PTCHD4: variants seen among roughly 807,000 people sequenced by gnomAD.
PTCHD4 encodes the protein patched domain containing 4.
A neutral mutation model predicts 58.1 loss-of-function variants in PTCHD4; 33 were observed. The ratio of observed to expected loss-of-function variants is 0.57; its 90% confidence interval spans 0.43 to 0.76. The LOEUF (loss-of-function observed/expected upper bound fraction) is 0.76, where lower values mean the gene tolerates loss of function less well. Ranked by LOEUF, PTCHD4 falls within the 30% of genes least tolerant of loss-of-function variation. PTCHD4 has a pLI of 0.00. For synonymous variants in PTCHD4, 478 were observed against 409.6 expected (o/e 1.17, Z -2.02); for missense variants, 1,058 against 1,027.1 (o/e 1.03, Z -0.41).
At chr6:48,098,537 C>G (rs1042513929) in intron 1 of PTCHD4, among the ~76,000 whole-genome samples, 1 of 152,058 alleles carries the variant, frequency 6.6e-6, no homozygotes, top group African/African-American at 2.4e-5. Flanking sequence ...CAGGGTTTCA[C>G]CATGTTGGCC....
At chr6:48,089,975 T>G (rs900668701) in intron 1 of PTCHD4, among the ~76,000 whole-genome samples, 1 of 152,228 alleles carries the variant, frequency 6.6e-6, no homozygotes, top group African/African-American at 2.4e-5. Context: ...AATTTGATTT[T>G]ATTTTTAAAT....
chr6:47,913,695 T>A (rs1209151431), intron 4 of PTCHD4, among the ~76,000 whole-genome samples: 3 of 152,096 alleles, frequency 2.0e-5, no homozygotes, highest in African/African-American at 7.2e-5. Context: ...AGAGCCCAAA[T>A]TATTTTCTAA....
rs142532151 is a variant in PTCHD4 at position 48,036,215 on chromosome 6, T to G, written c.418-27101A>C. ...AGCAGAGAGATACTTAAGCGAAGAGTTTCAAGAGAAATACAATTTGCAAAG... is the reference window on the plus strand; with the variant it reads ...AGCAGAGAGATACTTAAGCGAAGAGGTTCAAGAGAAATACAATTTGCAAAG... On this transcript the variant is annotated intron_variant, in intron 3 of 4. Transcript: ENST00000339488. Among the ~76,000 whole-genome samples the G allele has an allele frequency of 8.6e-5, 13 of 150,764 alleles. No homozygotes were observed. In the South Asian group the frequency reaches 1.7e-3, roughly 20 times the overall value.
At chr6:47,999,372 T>C (rs1435043686) in intron 4 of PTCHD4, among the ~76,000 whole-genome samples, 3 of 152,144 alleles carry the variant, frequency 2.0e-5, no homozygotes, top group Non-Finnish European at 4.4e-5. Context: ...ACAACTGATA[T>C]GGTTAAGAAA....
intron 4 of PTCHD4, among the ~76,000 whole-genome samples, chr6:47,897,897 T>A (rs1002434400): frequency 1.3e-5 from 2 of 151,926 alleles, no homozygotes; most frequent in South Asian, 4.2e-4. Context: ...CGGTTTTTTA[T>A]TCTATATCTG....
In PTCHD4 at chr6:47,991,372, C is replaced by T. The variant is rs546503255; in HGVS notation, c.898+17262G>A. On this transcript the variant is annotated intron_variant, in intron 4 of 4. Coordinates refer to ENST00000339488, the MANE Select transcript of PTCHD4 (RefSeq NM_001384253.1). ...AAAGGAATTTTGTACCCAGTAAAAA[C>T]AGCTTTCAATATAAGGACCAAAAAG... is the stretch of plus-strand genomic sequence containing the variant. Among the ~76,000 whole-genome samples the T allele has an allele frequency of 3.9e-5, 6 of 152,104 alleles. No individual in the cohort carries two copies. In the East Asian group the frequency reaches 1.2e-3, roughly 29 times the overall value.
At chr6:48,002,249 T>G (rs1768755390) in intron 4 of PTCHD4, among the ~76,000 whole-genome samples, 1 of 152,128 alleles carries the variant, frequency 6.6e-6, no homozygotes, top group South Asian at 2.1e-4. Flanking sequence ...GACCCAGCCA[T>G]CCCATTAGTG....
chr6:47,941,554 T>G (rs890052794), intron 4 of PTCHD4, among the ~76,000 whole-genome samples: 2 of 152,158 alleles, frequency 1.3e-5, no homozygotes, highest in African/African-American at 4.8e-5. Context: ...TAGACCAGAC[T>G]ATTAGGAGGC....
At chr6:47,909,741 C>CT (rs1284990556) in intron 4 of PTCHD4, among the ~76,000 whole-genome samples, 7 of 151,424 alleles carry the variant, frequency 4.6e-5, no homozygotes, top group African/African-American at 7.3e-5. Context: ...CATGCCTGGA[C>CT]TTTTTTTTTC....
At chr6:48,007,227 G>A (rs1407790511) in intron 4 of PTCHD4, among the ~76,000 whole-genome samples, 3 of 152,032 alleles carry the variant, frequency 2.0e-5, no homozygotes, top group Non-Finnish European at 2.9e-5. Flanking sequence ...AAGACAGAGC[G>A]AGACTCTGTC....
intron 4 of PTCHD4, among the ~76,000 whole-genome samples, chr6:48,002,246 C>T (rs1171451842): frequency 3.9e-5 from 6 of 152,160 alleles, no homozygotes; most frequent in Non-Finnish European, 8.8e-5. Flanking sequence ...TTTGACCCAG[C>T]CATCCCATTA....
At chr6:48,004,798 T>A (rs1762366713) in intron 4 of PTCHD4, among the ~76,000 whole-genome samples, 1 of 152,068 alleles carries the variant, frequency 6.6e-6, no homozygotes, top group African/African-American at 2.4e-5. Flanking sequence ...ACGCCTATAG[T>A]CCCAGCTACT....
At chr6:48,039,209 A>G (rs1342540784) in intron 3 of PTCHD4, among the ~76,000 whole-genome samples, 1 of 152,180 alleles carries the variant, frequency 6.6e-6, no homozygotes, top group South Asian at 2.1e-4. Flanking sequence ...ATGCTATAAC[A>G]TAAAAGGAAA....
At chr6:48,021,118 A>G (rs976494448) in intron 3 of PTCHD4, among the ~76,000 whole-genome samples, 2 of 152,026 alleles carry the variant, frequency 1.3e-5, no homozygotes. Flanking sequence ...CTTTTAAAAA[A>G]TCCTATTTTT....
chr6:48,019,552 T>C (rs934831130), intron 3 of PTCHD4, among the ~76,000 whole-genome samples: 5 of 152,076 alleles, frequency 3.3e-5, no homozygotes, highest in Admixed American at 1.3e-4. Flanking sequence ...CTGGCTAACA[T>C]GGTGAAACCC....
intron 3 of PTCHD4, among the ~76,000 whole-genome samples, chr6:48,060,764 C>A (rs909950219): frequency 8.5e-5 from 13 of 152,302 alleles, no homozygotes; most frequent in Middle Eastern, 3.4e-3. Flanking sequence ...CGTGAGCCAC[C>A]GTGCCTGACA....
intron 4 of PTCHD4, among the ~76,000 whole-genome samples, chr6:47,929,737 A>T (rs1346149562): frequency 6.6e-6 from 1 of 152,222 alleles, no homozygotes; most frequent in Non-Finnish European, 1.5e-5. Flanking sequence ...GTGGATATCC[A>T]CTGAGTGTGC....
At chr6:47,963,479 C>T (rs1767174655) in intron 4 of PTCHD4, among the ~76,000 whole-genome samples, 3 of 152,188 alleles carry the variant, frequency 2.0e-5, no homozygotes, top group Admixed American at 6.5e-5. Flanking sequence ...AATCCCACTT[C>T]TGAGTACATA....
chr6:47,934,820 G>T (rs1765944828), intron 4 of PTCHD4, among the ~76,000 whole-genome samples: 1 of 152,042 alleles, frequency 6.6e-6, no homozygotes, highest in Non-Finnish European at 1.5e-5. Context: ...GATATTATTT[G>T]TATATGACTA....
Sources: allele counts gnomAD v4.1 joint callset (sites outside exome capture counted in the v4.1 genomes callset), GRCh38; gene constraint gnomAD v4.1.1; transcripts MANE v1.5; gene names NCBI Gene and HGNC (gene_info 2026-07-23, HGNC 2026-07-21).